NEBL: variants seen among roughly 807,000 people sequenced by gnomAD.
The protein encoded by NEBL is LIM and SH3 protein 2.
In NEBL, 122 loss-of-function variants were observed where a neutral mutation model predicts 140.2. The ratio of observed to expected loss-of-function variants is 0.87; its 90% CI spans 0.75 to 1.01. NEBL has a LOEUF of 1.01. NEBL is among the 50% of genes least tolerant of loss of function. The probability of loss-of-function intolerance (pLI) is 0.00; values close to 1 mark genes in which losing one functional copy is unlikely to be tolerated. For missense variants in NEBL, 1,365 were observed against 1,231.3 expected (o/e 1.11, Z -1.62); for synonymous variants, 436 against 398.9 (o/e 1.09, Z -1.11).
intron 2 of NEBL, among the ~76,000 whole-genome samples, chr10:21,168,514 C>G (rs568178435): frequency 2.6e-5 from 4 of 151,836 alleles, no homozygotes; most frequent in Non-Finnish European, 5.9e-5. Context: ...AAAGTATGAG[C>G]GCTGATTGGA....
chr10:20,895,852 T>C (rs1354892655), intron 2 of NEBL, among the ~76,000 whole-genome samples: 1 of 152,148 alleles, frequency 6.6e-6, no homozygotes, highest in Non-Finnish European at 1.5e-5. Flanking sequence ...ACAGCTAACA[T>C]TTATGGAGTA....
intron 1 of NEBL, among the ~76,000 whole-genome samples, chr10:21,259,930 G>A (rs1442156040): frequency 1.3e-5 from 2 of 152,168 alleles, no homozygotes; most frequent in Non-Finnish European, 2.9e-5. Flanking sequence ...GCAGTTGGCA[G>A]CCACTTTGCA....
intron 4 of NEBL, among the ~76,000 whole-genome samples, chr10:20,933,860 C>T (rs937024615): frequency 3.9e-5 from 6 of 152,268 alleles, no homozygotes; most frequent in Admixed American, 2.6e-4. Flanking sequence ...CAAGTGAGGA[C>T]GGTTCTTATC....
chr10:20,995,069 T>C (rs1014678072), intron 3 of NEBL, among the ~76,000 whole-genome samples: 7 of 152,104 alleles, frequency 4.6e-5, no homozygotes, highest in Non-Finnish European at 1.0e-4. Context: ...GACATCCACA[T>C]TGGGTTGGAG....
chr10:21,220,156 G>T (rs770383134), intron 3 of NEBL, among the ~76,000 whole-genome samples: 11 of 152,014 alleles, frequency 7.2e-5, no homozygotes, highest in African/African-American at 2.7e-4. Flanking sequence ...CAAGTGATCC[G>T]CCCATCTTGG....
At chr10:20,950,958 C>T (rs907431910) in intron 4 of NEBL, among the ~76,000 whole-genome samples, 1 of 152,030 alleles carries the variant, frequency 6.6e-6, no homozygotes, top group Non-Finnish European at 1.5e-5. Flanking sequence ...TGATACAAAG[C>T]TTAATTCAAA....
chr10:21,092,599 T>C (rs1836973302), intron 2 of NEBL, among the ~76,000 whole-genome samples: 1 of 140,646 alleles, frequency 7.1e-6, no homozygotes, highest in Non-Finnish European at 1.5e-5. Flanking sequence ...ATAATAATAA[T>C]AATAATAATA....
At chr10:21,029,679 T>C (rs1833696743) in intron 2 of NEBL, 4 of 1,146,198 alleles carry the variant, frequency 3.5e-6, no homozygotes, top group Admixed American at 3.4e-5. Context: ...ATCGAGATCG[T>C]TATGATTCAG....
chr10:20,828,351 G>GA (rs1840086405), intron 17 of NEBL, among the ~76,000 whole-genome samples, 179 bp downstream of exon 17: 2 of 151,904 alleles, frequency 1.3e-5, no homozygotes, highest in South Asian at 4.2e-4. Flanking sequence ...AAAAAATAAT[G>GA]AAAAATGATA....
At chr10:20,907,091 A>G (rs1190671489) in intron 4 of NEBL, among the ~76,000 whole-genome samples, 1 of 152,152 alleles carries the variant, frequency 6.6e-6, no homozygotes, top group Non-Finnish European at 1.5e-5. Flanking sequence ...TAGTAATGCT[A>G]TAAGACTGGA....
At chr10:21,183,231 T>C (rs957464069) in intron 3 of NEBL, among the ~76,000 whole-genome samples, 2 of 151,794 alleles carry the variant, frequency 1.3e-5, no homozygotes, top group Non-Finnish European at 1.5e-5. Context: ...CAGAGATGAA[T>C]GAATGAGTCA....
chr10:20,935,773 T>G (rs1834450034), intron 4 of NEBL, among the ~76,000 whole-genome samples: 1 of 152,216 alleles, frequency 6.6e-6, no homozygotes. Flanking sequence ...GTCCTGAGTT[T>G]AAATTGCAAA....
intron 2 of NEBL, among the ~76,000 whole-genome samples, chr10:21,051,336 T>C (rs1485574610): frequency 1.3e-5 from 2 of 152,222 alleles, no homozygotes; most frequent in Non-Finnish European, 2.9e-5. Flanking sequence ...GAGTACACAA[T>C]GTGTAGAGAT....
intron 3 of NEBL, among the ~76,000 whole-genome samples, chr10:20,963,763 AATC>A (rs1446879012): frequency 2.0e-5 from 3 of 152,188 alleles, no homozygotes; most frequent in Admixed American, 1.3e-4. Context: ...GACACAAAAG[AATC>A]ATCTGACTTT....
At chr10:21,097,229 G>T (rs1293483590) in intron 2 of NEBL, among the ~76,000 whole-genome samples, 10 of 108,940 alleles carry the variant, frequency 9.2e-5, no homozygotes, top group Non-Finnish European at 1.7e-4. Flanking sequence ...CGGGGGGGGG[G>T]TGGGGCAGAT....
intron 2 of NEBL, among the ~76,000 whole-genome samples, chr10:21,135,651 C>T (rs933157530): frequency 3.9e-5 from 6 of 152,134 alleles, no homozygotes; most frequent in African/African-American, 1.4e-4. Context: ...GTGAGTGATT[C>T]CCCCGGCCTG....
At chr10:20,935,482 C>T (rs10082441) in intron 4 of NEBL, among the ~76,000 whole-genome samples, 3,228 of 152,216 alleles carry the variant, frequency 0.021, 115 homozygotes, top group African/African-American at 0.072. Context: ...ATGCTCCCCT[C>T]GGTAGTGAGC....
intron 4 of NEBL, among the ~76,000 whole-genome samples, chr10:20,959,983 G>T (rs561284193): frequency 2.1e-3 from 314 of 152,030 alleles, no homozygotes; most frequent in African/African-American, 7.2e-3. Flanking sequence ...CTCTGGTATT[G>T]AATAAAATGT....
chr10:20,787,101 A>G, intron 27 of NEBL, 101 bp downstream of exon 27: 2 of 982,282 alleles, frequency 2.0e-6, no homozygotes, highest in Non-Finnish European at 3.2e-6. Flanking sequence ...CTTTAAATGA[A>G]AATACCCAAT....
Sources: allele counts gnomAD v4.1 joint callset (sites outside exome capture counted in the v4.1 genomes callset), GRCh38; gene constraint gnomAD v4.1.1; transcripts MANE v1.5; gene names NCBI Gene and HGNC (gene_info 2026-07-23, HGNC 2026-07-21).